Variants in PDS5B observed in about 807,000 individuals in gnomAD.
PDS5B encodes the protein sister chromatid cohesion protein PDS5 homolog B.
A neutral mutation model predicts 184.1 loss-of-function variants in PDS5B; 51 were observed. The ratio of observed to expected loss-of-function variants is 0.28; its 90% CI spans 0.22 to 0.35. PDS5B has a LOEUF of 0.35. PDS5B is among the 10% of genes least tolerant of loss of function. PDS5B has a pLI of 1.00. For synonymous variants in PDS5B, 566 were observed against 569.2 expected (o/e 0.99, Z 0.08); for missense variants, 1,180 against 1,723.3 (o/e 0.68, Z 5.58).
At chr13:32,673,399 G>A in intron 8 of PDS5B, 43 bp downstream of exon 8, 1 of 1,511,180 alleles carries the variant, frequency 6.6e-7, no homozygotes, top group Non-Finnish European at 9.1e-7. Flanking sequence ...CAAGTTATTA[G>A]CAAAGAGCAT....
chr13:32,673,382 TACCA>T lies in PDS5B; in HGVS notation c.846+32_846+35del, dbSNP rs1249614222. On this transcript the variant is annotated intron_variant, in intron 8 of 34. Coordinates refer to ENST00000315596, the MANE Select transcript of PDS5B (RefSeq NM_015032.4). Reference sequence around the variant, plus strand: ...GTAACTTGTAAAAATAATATGATTCTACCAACCAAGTTATTAGCAAAGAGCATTA... The same window carrying T: ...GTAACTTGTAAAAATAATATGATTCTACCAAGTTATTAGCAAAGAGCATTA... 13 of 1,581,598 alleles carry T rather than the reference TACCA, an allele frequency of 8.2e-6. 1 individual carries two copies. The highest frequency in any genetic ancestry group is 1.7e-4 in the Middle Eastern group (1 of 5,954).
rs79424482 is a variant in PDS5B at position 32,624,331 on chromosome 13, A to T, written c.-19-24423A>T. Among the ~76,000 whole-genome samples the T allele has an allele frequency of 2.5e-3, 383 of 151,880 alleles. 2 individuals are homozygous for T. The highest frequency in any genetic ancestry group is 8.7e-3 in the African/African-American group (362 of 41,424). On this transcript the variant is annotated intron_variant, in intron 1 of 34. Transcript: ENST00000315596. ...CTCCTAATTTCATTTAAAATTTTTCATCTGTTTGTCTCTTGGCCCTGCATT... is the reference window on the plus strand; with the variant it reads ...CTCCTAATTTCATTTAAAATTTTTCTTCTGTTTGTCTCTTGGCCCTGCATT...
chr13:32,758,635 C>T lies in PDS5B; in HGVS notation c.3291C>T (p.Phe1097=). 2.5e-6 allele frequency: 4 copies of T among 1,613,618 alleles called. No individual in the cohort carries two copies. The highest frequency in any genetic ancestry group is 3.4e-6 in the Non-Finnish European group (4 of 1,179,682). Reference sequence around the variant, plus strand: ...AAGACCCGGTACTACCAGCTCGTTTCTTCACTCAACCTGACAAGGTAGTTA... The same window carrying T: ...AAGACCCGGTACTACCAGCTCGTTTTTTCACTCAACCTGACAAGGTAGTTA... ...SPKDPVLPAR[F]FTQPDKNFSN... is the part of the protein sequence containing the mutation. The change falls in exon 28 of 35, where the codon TTC becomes TTT. Residue 1097 remains phenylalanine (F), a synonymous_variant. Coordinates refer to ENST00000315596, the MANE Select transcript of PDS5B (RefSeq NM_015032.4).
intron 1 of PDS5B, among the ~76,000 whole-genome samples, chr13:32,624,487 T>C (rs181499991): frequency 1.3e-5 from 2 of 152,340 alleles, no homozygotes; most frequent in East Asian, 1.9e-4. Flanking sequence ...TCTCTTGTTA[T>C]TTTCAGCAGC....
intron 1 of PDS5B, among the ~76,000 whole-genome samples, chr13:32,626,359 G>A (rs1425165633): frequency 6.6e-6 from 1 of 152,146 alleles, no homozygotes; most frequent in African/African-American, 2.4e-5. Context: ...AGAATTTAGG[G>A]GAGATTTGGC....
chr13:32,668,335 C>G (rs763507797), intron 7 of PDS5B, among the ~76,000 whole-genome samples: 1 of 152,006 alleles, frequency 6.6e-6, no homozygotes. Flanking sequence ...GGGTAGATTC[C>G]ATATAAATCT....
chr13:32,630,945 C>T (rs776042545), intron 1 of PDS5B, among the ~76,000 whole-genome samples: 9 of 151,780 alleles, frequency 5.9e-5, no homozygotes, highest in African/African-American at 1.9e-4. Flanking sequence ...CCACCATGGC[C>T]GGATAATTTT....
At chr13:32,647,410 A>G (rs1038746126) in intron 1 of PDS5B, among the ~76,000 whole-genome samples, 7 of 152,056 alleles carry the variant, frequency 4.6e-5, no homozygotes, top group East Asian at 3.9e-4. Context: ...ATCTGGGACT[A>G]CAGGGGTGTG....
intron 3 of PDS5B, among the ~76,000 whole-genome samples, chr13:32,652,859 A>G (rs999343577): frequency 6.6e-6 from 1 of 152,186 alleles, no homozygotes; most frequent in Non-Finnish European, 1.5e-5. Flanking sequence ...ATATAAATGC[A>G]AAATCTTTAA....
chr13:32,710,719 G>T (rs1952177939), intron 19 of PDS5B, among the ~76,000 whole-genome samples: 1 of 152,166 alleles, frequency 6.6e-6, no homozygotes, highest in African/African-American at 2.4e-5. Flanking sequence ...GATGGAATAG[G>T]TGGTTCTGAT....
In PDS5B at chr13:32,775,130, A is replaced by G. The variant is rs1954917824; in HGVS notation, c.*78A>G. The G allele has an allele frequency of 8.7e-7, 1 of 1,146,654 alleles. No homozygotes were observed. The highest frequency in any genetic ancestry group is 2.2e-5 in the Admixed American group (1 of 45,242). 71.0% of individuals were successfully genotyped at this position (1,146,654 alleles called of 1,614,324 possible). A position where few individuals can be genotyped will look rare whatever the true frequency, so the allele number is the denominator to read the frequency against. On this transcript the variant is annotated 3_prime_UTR_variant, in exon 35 of 35. Transcript: ENST00000315596. ...TTTTTTTTGGTCAAGCTTGAGGCTG[A>G]ATAAAGCCTTTGATGCACAAAATGG...
At chr13:32,657,083 CTGT>C (rs1394740634) in intron 3 of PDS5B, among the ~76,000 whole-genome samples, 1 of 152,156 alleles carries the variant, frequency 6.6e-6, no homozygotes. Flanking sequence ...CTGTAGATGT[CTGT>C]TAGGCCCATT....
At position 32,777,840 on chromosome 13, in the gene PDS5B, T is replaced by G. The variant is rs1204133445; in HGVS notation, c.*2788T>G. ...TCTTATAACTTGTAAGTCTGATTTT[T>G]AAGATTTCCTTTTGTCCACTTGTAA... On this transcript the variant is annotated 3_prime_UTR_variant, in exon 35 of 35. Transcript: ENST00000315596. 1 of 152,430 alleles carries G rather than the reference T, an allele frequency of 6.6e-6. No homozygotes were observed. Among genetic ancestry groups the G allele is most frequent in the East Asian group, 1.9e-4 (1 of 5,198 alleles). 9.4% of individuals were successfully genotyped at this position (152,430 alleles called of 1,614,324 possible).
intron 7 of PDS5B, among the ~76,000 whole-genome samples, 184 bp downstream of exon 7, chr13:32,668,028 G>T (rs1051318880): frequency 1.3e-5 from 2 of 151,966 alleles, no homozygotes; most frequent in Admixed American, 1.3e-4. Flanking sequence ...TTTTTGGAAG[G>T]CTTGCTCTCA....
chr13:32,745,808 C>T (rs1953722421), intron 23 of PDS5B, among the ~76,000 whole-genome samples, 169 bp from the exon 24 acceptor site: 1 of 152,304 alleles, frequency 6.6e-6, no homozygotes, highest in South Asian at 2.1e-4. Flanking sequence ...AATACTATCT[C>T]CTAGGTACTT....
intron 14 of PDS5B, among the ~76,000 whole-genome samples, chr13:32,695,478 A>G (rs1231708891): frequency 6.6e-6 from 1 of 151,940 alleles, no homozygotes; most frequent in African/African-American, 2.4e-5. Context: ...TAATCTCTGG[A>G]TAAAGTGCCT....
chr13:32,623,857 G>T (rs1334054782), intron 1 of PDS5B, among the ~76,000 whole-genome samples: 1 of 151,776 alleles, frequency 6.6e-6, no homozygotes, highest in Admixed American at 6.6e-5. Flanking sequence ...CTCTCGCCAG[G>T]CTGGAGTGCA....
chr13:32,626,077 T>A (rs2140553771), intron 1 of PDS5B, among the ~76,000 whole-genome samples: 1 of 152,242 alleles, frequency 6.6e-6, no homozygotes, highest in South Asian at 2.1e-4. Flanking sequence ...TGACCCCGAG[T>A]GATCTATCTG....
chr13:32,659,112 T>C (rs1250683088), intron 5 of PDS5B, 42 bp from the exon 6 acceptor site: 2 of 1,462,562 alleles, frequency 1.4e-6, no homozygotes, highest in East Asian at 2.4e-5. Context: ...AAATCCTGTA[T>C]ATCTCAGTTG....
Sources: gnomAD v4.1 joint callset for allele counts (sites outside exome capture counted in the v4.1 genomes callset) on GRCh38, gnomAD v4.1.1 for gene constraint, MANE v1.5 for transcripts, NCBI Gene and HGNC (gene_info 2026-07-23, HGNC 2026-07-21) for gene names.